Variants in NRXN2 observed in about 807,000 individuals in gnomAD.
NRXN2 encodes the protein neurexin-2-beta.
In NRXN2, 29 loss-of-function variants were observed where a neutral mutation model predicts 128.8. The observed-to-expected ratio is 0.23, with a 90% CI of 0.17 to 0.31. The LOEUF is 0.31. Ranked by LOEUF, NRXN2 falls within the 10% of genes least tolerant of loss-of-function variation. NRXN2 has a pLI of 1.00. For synonymous variants in NRXN2, 1,098 were observed against 1,075.2 expected, an observed-to-expected ratio of 1.02 and a Z score of -0.41; for missense variants, 1,881 against 2,452.6, an observed-to-expected ratio of 0.77 and a Z score of 4.92.
At chr11:64,686,177 G>C (rs2053023174) in intron 5 of NRXN2, among the ~76,000 whole-genome samples, 1 of 152,118 alleles carries the variant, frequency 6.6e-6, no homozygotes, top group South Asian at 2.1e-4. Context: ...TTCCAAACCA[G>C]GAGGCTGCTA....
chr11:64,667,371 C>G lies in NRXN2; in HGVS notation c.1677G>C (p.Leu559Phe). Residue 559 changes from leucine to phenylalanine, a missense_variant, in exon 9 of 23, where the codon TTG becomes TTC. By Grantham distance (22) the Leu-to-Phe change is conservative. Coordinates refer to ENST00000265459, the MANE Select transcript of NRXN2 (RefSeq NM_015080.4). This position sits in a 1 kb window ranked among gnomAD's most constrained non-coding sequence, Gnocchi z 5.6. ...QRADYFAMEL[L>F]DGHLYLLLDM... ...CCAGCAGAAGATAGAGGTGGCCGTC[C>G]AATAGCTCCATGGCAAAGTAGTCGG... 1 of 1,614,206 alleles carries G rather than the reference C, an allele frequency of 6.2e-7. No homozygotes were observed. The highest frequency in any genetic ancestry group is 8.5e-7 in the Non-Finnish European group (1 of 1,180,036).
At chr11:64,637,201 C>A (rs2044858947) in intron 17 of NRXN2, among the ~76,000 whole-genome samples, 1 of 152,122 alleles carries the variant, frequency 6.6e-6, no homozygotes, top group Non-Finnish European at 1.5e-5. Flanking sequence ...TGACATCTCA[C>A]CTCTGCCTGT....
At position 64,713,183 on chromosome 11, in the gene NRXN2, G is replaced by T. The variant is rs751869669; in HGVS notation, c.517C>A (p.Pro173Thr). Residue 173 changes from proline to threonine, a missense_variant, in exon 2 of 23, where the codon CCG becomes ACG. Around this residue, in one of 7 missense-constraint regions of NRXN2, gnomAD observed 997 missense variants for 1,240.8 expected, o/e 0.80. Coordinates refer to ENST00000265459, the MANE Select transcript of NRXN2 (RefSeq NM_015080.4). ...ALTLSTVKYE[P>T]PFRGLLANLK... ...TTGGCCAAGAGGCCGCGGAAGGGCGGCTCGTACTTGACGGTGCTCAGCGTA... is the reference window on the plus strand; with the variant it reads ...TTGGCCAAGAGGCCGCGGAAGGGCGTCTCGTACTTGACGGTGCTCAGCGTA... 28 of 1,467,550 alleles carry T rather than the reference G, an allele frequency of 1.9e-5. No homozygotes were observed. The highest frequency in any genetic ancestry group is 2.3e-5 in the Non-Finnish European group (26 of 1,113,234). The allele number at this position is 1,467,550 out of a possible 1,614,324, so 90.9% of individuals were successfully genotyped here.
intron 5 of NRXN2, among the ~76,000 whole-genome samples, chr11:64,689,578 C>T (rs530835970): frequency 1.3e-5 from 2 of 152,160 alleles, no homozygotes; most frequent in Admixed American, 1.3e-4. Context: ...AATATCCAAT[C>T]CCTGGCCTCA....
chr11:64,671,148 A>T (rs1289987451), intron 7 of NRXN2, among the ~76,000 whole-genome samples: 1 of 152,050 alleles, frequency 6.6e-6, no homozygotes, highest in Admixed American at 6.5e-5. Context: ...CCCTACCCGG[A>T]AAGGGCTGCC....
intron 22 of NRXN2, among the ~76,000 whole-genome samples, chr11:64,615,966 A>T (rs1565185514): frequency 6.6e-6 from 1 of 151,812 alleles, no homozygotes; most frequent in Non-Finnish European, 1.5e-5. Context: ...ACCAGTATGC[A>T]TGTTTCAGCA....
At position 64,648,137 on chromosome 11, in the gene NRXN2, C is replaced by G. The variant is rs1202280014; in HGVS notation, c.3403+82G>C. ...GCACAGCTCCTGAATGCTCAGAGGC[C>G]CTGTTTCCTCCCTGGCAGCCCCTAT... On this transcript the variant is annotated intron_variant, in intron 17 of 22. Transcript: ENST00000265459. The surrounding 1 kb of genome is among the most constrained non-coding windows in gnomAD (Gnocchi z 4.1). The G allele has an allele frequency of 5.0e-5, 79 of 1,589,258 alleles. No individual in the cohort carries two copies. Among genetic ancestry groups the G allele is most frequent in the Non-Finnish European group, 6.1e-5 (71 of 1,160,146 alleles).
chr11:64,689,883 T>C (rs1446448619), intron 5 of NRXN2, among the ~76,000 whole-genome samples: 3 of 152,210 alleles, frequency 2.0e-5, no homozygotes, highest in African/African-American at 7.2e-5. Flanking sequence ...CTGGAGTTCC[T>C]TGAGGACTTG....
chr11:64,702,860 T>G lies in NRXN2; in HGVS notation c.731-5068A>C, dbSNP rs564591496. 2.0e-5 allele frequency among the ~76,000 whole-genome samples: 3 copies of G among 146,724 alleles called. No individual in the cohort carries two copies. The East Asian group carries it at 5.9e-4, about 29-fold the overall frequency. On this transcript the variant is annotated intron_variant, in intron 2 of 22. Coordinates refer to ENST00000265459, the MANE Select transcript of NRXN2 (RefSeq NM_015080.4). The stretch of plus-strand genomic sequence containing the variant: ...AATAAATTAGCCAGACATGGTGGTG[T>G]GCGCCTGTAGTCCCAGCTACTCAGG...
intron 1 of NRXN2, among the ~76,000 whole-genome samples, chr11:64,715,674 T>C (rs1303044001): frequency 6.6e-6 from 1 of 152,066 alleles, no homozygotes; most frequent in African/African-American, 2.4e-5. Context: ...TCCTGACTGC[T>C]GCCCTCCCAA....
At position 64,712,992 on chromosome 11, in the gene NRXN2, G is replaced by T. The variant is rs1251216002; in HGVS notation, c.708C>A (p.Phe236Leu). The T allele has an allele frequency of 2.0e-6, 3 of 1,496,558 alleles. No individual in the cohort carries two copies. Among genetic ancestry groups the T allele is most frequent in the Non-Finnish European group, 2.7e-6 (3 of 1,128,014 alleles). The allele number at this position is 1,496,558 out of a possible 1,614,324, so 92.7% of individuals were successfully genotyped here. Residue 236 changes from phenylalanine (F) to leucine (L), a missense_variant, in exon 2 of 23, where the codon TTC (phenylalanine) becomes TTA (leucine). This residue lies in a region of NRXN2 where 997 missense variants were observed against 1,240.8 expected (regional missense o/e 0.80). Transcript: ENST00000265459. ...EVGCDCSHTG[F>L]GGKFCSEEEH... ...CACCTTCGCTGCAGAACTTGCCGCC[G>T]AAGCCCGTGTGGCTGCAGTCGCAGC...
intron 3 of NRXN2, among the ~76,000 whole-genome samples, chr11:64,696,241 A>T (rs973066279): frequency 5.9e-5 from 9 of 152,024 alleles, no homozygotes; most frequent in African/African-American, 2.2e-4. Context: ...GTCCACCCAG[A>T]CACGCAGACT....
intron 17 of NRXN2, among the ~76,000 whole-genome samples, chr11:64,644,490 G>C (rs114626436): frequency 0.012 from 1,807 of 152,312 alleles, 39 homozygotes; most frequent in African/African-American, 0.041. Flanking sequence ...CGTATGTCAA[G>C]CTGAGGAAAC....
intron 17 of NRXN2, chr11:64,642,426 C>A: frequency 7.1e-7 from 1 of 1,406,920 alleles, no homozygotes; most frequent in African/African-American, 1.5e-5. Context: ...AGCAGAGGGG[C>A]CAGGCTCGGC....
intron 22 of NRXN2, among the ~76,000 whole-genome samples, chr11:64,615,755 T>A (rs1011203163): frequency 5.9e-5 from 9 of 152,208 alleles, no homozygotes; most frequent in African/African-American, 2.2e-4. Flanking sequence ...TGTGTGCCCT[T>A]CTGTGTGCCA....
At chr11:64,657,538 C>A (rs1189489837) in intron 11 of NRXN2, among the ~76,000 whole-genome samples, 3 of 152,206 alleles carry the variant, frequency 2.0e-5, no homozygotes, top group Non-Finnish European at 4.4e-5. Context: ...ATTCTTCCAT[C>A]TGAGCCTCAA....
chr11:64,705,915 C>T (rs1344891587), intron 2 of NRXN2, among the ~76,000 whole-genome samples: 2 of 147,486 alleles, frequency 1.4e-5, no homozygotes, highest in African/African-American at 5.1e-5. Flanking sequence ...GCCACCACAA[C>T]TGCCACTACC....
At chr11:64,712,573 C>G (rs1261031009) in intron 2 of NRXN2, 1 of 375,716 alleles carries the variant, frequency 2.7e-6, no homozygotes, top group Non-Finnish European at 5.6e-6. Flanking sequence ...CCATGGTCCC[C>G]GCCCACTGCC....
intron 2 of NRXN2, among the ~76,000 whole-genome samples, chr11:64,712,397 A>G (rs2057008792): frequency 7.0e-6 from 1 of 143,852 alleles, no homozygotes; most frequent in Non-Finnish European, 1.5e-5. Flanking sequence ...GGCCTTCCAC[A>G]CAGGCCCCAC....
Sources: allele counts gnomAD v4.1 joint callset (sites outside exome capture counted in the v4.1 genomes callset), GRCh38; gene constraint gnomAD v4.1.1; regional missense constraint gnomAD v4.1.1; non-coding constraint Gnocchi (gnomAD v3.1); transcripts MANE v1.5; gene names NCBI Gene and HGNC (gene_info 2026-07-23, HGNC 2026-07-21).